GRID2: variants seen among roughly 807,000 people sequenced by gnomAD.
GRID2 encodes the protein glutamate receptor ionotropic, delta-2.
Under a neutral mutation model 114.8 loss-of-function variants are expected in GRID2, and 33 were observed. The ratio of observed to expected loss-of-function variants is 0.29; its 90% CI spans 0.22 to 0.38. The LOEUF is 0.38. GRID2 is among the 10% of genes least tolerant of loss of function. The pLI, the probability that GRID2 is intolerant of heterozygous loss-of-function variation, is 1.00. For synonymous variants in GRID2, 505 were observed against 449.9 expected (o/e 1.12, Z -1.55); for missense variants, 1,184 against 1,257.7 (o/e 0.94, Z 0.89).
chr4:93,189,300 G>A (rs750029377), intron 4 of GRID2, among the ~76,000 whole-genome samples: 1 of 152,132 alleles, frequency 6.6e-6, no homozygotes, highest in Non-Finnish European at 1.5e-5. Flanking sequence ...AACAGATTCC[G>A]TGTCTGATGA....
At chr4:92,397,872 A>G (rs1730582631) in intron 1 of GRID2, among the ~76,000 whole-genome samples, 1 of 152,226 alleles carries the variant, frequency 6.6e-6, no homozygotes, top group Non-Finnish European at 1.5e-5. Flanking sequence ...GTTGAATCAG[A>G]AAGAATGGTA....
intron 12 of GRID2, among the ~76,000 whole-genome samples, chr4:93,502,816 C>T (rs1728255930): frequency 1.3e-5 from 2 of 150,452 alleles, no homozygotes; most frequent in Admixed American, 6.7e-5. Context: ...TAAATAAGAG[C>T]CAGATACCCC....
chr4:92,764,114 T>A (rs1738148667), intron 2 of GRID2, among the ~76,000 whole-genome samples: 1 of 152,182 alleles, frequency 6.6e-6, no homozygotes, highest in Admixed American at 6.5e-5. Flanking sequence ...AGCGATTCCA[T>A]CCATAATCTA....
In GRID2 at chr4:93,340,240, C is replaced by CTT. The variant is rs33924908; in HGVS notation, c.1246-55350_1246-55349dup. Among the ~76,000 whole-genome samples, 8 of 139,770 alleles carry CTT rather than the reference C, an allele frequency of 5.7e-5. No homozygotes were observed. In the South Asian group the frequency reaches 6.8e-4, roughly 12 times the overall value. The allele number at this position is 139,770 out of a possible 152,430, so 91.7% of individuals were successfully genotyped here. On this transcript the variant is annotated intron_variant, in intron 8 of 15. Transcript: ENST00000282020. Reference sequence around the variant, plus strand: ...ATAACTTCAACCCATTATCTCCTCTCTTTTTTTTTTTTTTTTTTAACTTTC... The same window carrying CTT: ...ATAACTTCAACCCATTATCTCCTCTCTTTTTTTTTTTTTTTTTTTTAACTTTC...
intron 2 of GRID2, among the ~76,000 whole-genome samples, chr4:92,789,435 C>G (rs571968194): frequency 1.3e-5 from 2 of 151,804 alleles, no homozygotes; most frequent in African/African-American, 4.8e-5. Context: ...GTTGGACACA[C>G]GTTAGATTAT....
chr4:92,652,432 C>T (rs1433892261), intron 2 of GRID2, among the ~76,000 whole-genome samples: 4 of 151,602 alleles, frequency 2.6e-5, no homozygotes, highest in Non-Finnish European at 4.4e-5. Context: ...ATTCCCAGAA[C>T]TTTGGGAGGA....
intron 8 of GRID2, among the ~76,000 whole-genome samples, chr4:93,313,167 C>G (rs1459752502): frequency 6.6e-6 from 1 of 151,816 alleles, no homozygotes; most frequent in African/African-American, 2.4e-5. Context: ...GGAAAAAAAT[C>G]TGCAGGAAAA....
At chr4:93,052,026 T>G (rs971879307) in intron 2 of GRID2, among the ~76,000 whole-genome samples, 6 of 152,040 alleles carry the variant, frequency 3.9e-5, no homozygotes, top group Admixed American at 3.3e-4. Context: ...GCAATTACGT[T>G]AAAAATGGCA....
chr4:93,463,459 T>G (rs543147580), intron 11 of GRID2, among the ~76,000 whole-genome samples: 1 of 152,316 alleles, frequency 6.6e-6, no homozygotes, highest in Non-Finnish European at 1.5e-5. Flanking sequence ...ACTGGGCTTT[T>G]GAAGAGTTAA....
At chr4:93,307,548 A>C (rs1427613081) in intron 8 of GRID2, among the ~76,000 whole-genome samples, 2 of 151,854 alleles carry the variant, frequency 1.3e-5, no homozygotes, top group Non-Finnish European at 2.9e-5. Context: ...TTCTTCCCAG[A>C]CTCCTCCATG....
intron 2 of GRID2, among the ~76,000 whole-genome samples, chr4:92,924,609 C>T (rs949588443): frequency 6.6e-6 from 1 of 152,052 alleles, no homozygotes; most frequent in African/African-American, 2.4e-5. Flanking sequence ...TAGATCGGTC[C>T]ATGCCATGCT....
intron 9 of GRID2, among the ~76,000 whole-genome samples, chr4:93,418,290 A>G (rs980231651): frequency 6.6e-6 from 1 of 151,498 alleles, no homozygotes; most frequent in Non-Finnish European, 1.5e-5. Context: ...CCTCTTGTTT[A>G]TTCTTCCTTC....
chr4:92,759,912 G>A (rs1448635955), intron 2 of GRID2, among the ~76,000 whole-genome samples: 1 of 151,376 alleles, frequency 6.6e-6, no homozygotes, highest in Non-Finnish European at 1.5e-5. Flanking sequence ...AGGTGTGCAC[G>A]ACAGTGCTCA....
intron 1 of GRID2, among the ~76,000 whole-genome samples, chr4:92,371,843 A>C (rs200197489): frequency 1.4e-4 from 21 of 152,204 alleles, no homozygotes; most frequent in South Asian, 2.1e-4. Context: ...AAGAAAGTTG[A>C]AAACCTTCTG....
chr4:92,649,723 C>T (rs185699894), intron 2 of GRID2, among the ~76,000 whole-genome samples: 2 of 152,042 alleles, frequency 1.3e-5, no homozygotes, highest in East Asian at 3.9e-4. Flanking sequence ...TACAACTATC[C>T]TGCCTGCAAC....
intron 2 of GRID2, among the ~76,000 whole-genome samples, chr4:92,787,994 T>G: frequency 6.6e-6 from 1 of 151,740 alleles, no homozygotes; most frequent in African/African-American, 2.4e-5. Flanking sequence ...AAGGATATGT[T>G]TCCAAAGCAA....
intron 13 of GRID2, among the ~76,000 whole-genome samples, chr4:93,555,026 G>C (rs565487609): frequency 1.3e-5 from 2 of 152,200 alleles, no homozygotes; most frequent in South Asian, 4.1e-4. Flanking sequence ...CCCTCACCTA[G>C]CCAAGGGAAG....
chr4:93,508,387 G>T (rs1276384665), intron 12 of GRID2, among the ~76,000 whole-genome samples: 2 of 151,784 alleles, frequency 1.3e-5, no homozygotes, highest in Non-Finnish European at 2.9e-5. Context: ...AGTAGAGACA[G>T]GGTTTCACCA....
At chr4:93,110,618 C>A in intron 3 of GRID2, 130 bp from the exon 4 acceptor site, 1 of 681,092 alleles carries the variant, frequency 1.5e-6, no homozygotes. Flanking sequence ...GTTCCGTCAG[C>A]TACTCAGTTG....
Sources: gnomAD v4.1 joint callset for allele counts (sites outside exome capture counted in the v4.1 genomes callset) on GRCh38, gnomAD v4.1.1 for gene constraint, MANE v1.5 for transcripts, NCBI Gene and HGNC (gene_info 2026-07-23, HGNC 2026-07-21) for gene names.